Variants in CHN2 observed in about 807,000 individuals in gnomAD.
The protein encoded by CHN2 is beta-chimaerin.
A neutral mutation model predicts 56.3 loss-of-function variants in CHN2; 35 were observed. The observed-to-expected ratio is 0.62, with a 90% CI of 0.47 to 0.82. CHN2 has a LOEUF of 0.82. Ranked by LOEUF, CHN2 falls within the 40% of genes least tolerant of loss-of-function variation. The probability of loss-of-function intolerance (pLI) is 0.00; values close to 1 mark genes in which losing one functional copy is unlikely to be tolerated. For synonymous variants in CHN2, 210 were observed against 212.8 expected, an observed-to-expected ratio of 0.99 and a Z score of 0.12; for missense variants, 491 against 580.5, an observed-to-expected ratio of 0.85 and a Z score of 1.58.
chr7:29,401,016 G>T lies in CHN2; in HGVS notation c.576+188G>T, dbSNP rs559227720. 4 of 614,184 alleles carry T rather than the reference G, an allele frequency of 6.5e-6. No homozygotes were observed. The East Asian group carries it at 1.1e-4, about 17-fold the overall frequency. 38.0% of individuals were successfully genotyped at this position (614,184 alleles called of 1,614,324 possible). A position where few individuals can be genotyped will look rare whatever the true frequency, so the allele number is the denominator to read the frequency against. On this transcript the variant is annotated intron_variant, in intron 6 of 12. Coordinates refer to ENST00000222792, the MANE Select transcript of CHN2 (RefSeq NM_004067.4). ...AGGCCGGGCGTGGTGGCTCATGCCT[G>T]TAATCTCTTTGGGAGGCCGAGGCAG... is the stretch of plus-strand genomic sequence containing the variant.
intron 6 of CHN2, among the ~76,000 whole-genome samples, chr7:29,414,424 T>C (rs1018441148): frequency 6.6e-6 from 1 of 152,168 alleles, no homozygotes; most frequent in East Asian, 1.9e-4. Context: ...CCACGTGCTA[T>C]AGGGGTGGCT....
intron 1 of CHN2, among the ~76,000 whole-genome samples, chr7:29,285,511 A>G (rs145560162): frequency 1.2e-4 from 19 of 152,350 alleles, no homozygotes; most frequent in African/African-American, 4.6e-4. Flanking sequence ...CATAAGCCAC[A>G]GTCTAAATAT....
intron 2 of CHN2, among the ~76,000 whole-genome samples, chr7:29,159,562 T>C (rs1794896792): frequency 1.3e-5 from 2 of 152,246 alleles, no homozygotes; most frequent in Admixed American, 1.3e-4. Context: ...AGTGATGAAA[T>C]GGGGTGGCTA....
intron 1 of CHN2, among the ~76,000 whole-genome samples, chr7:29,305,328 G>A (rs1191906364): frequency 6.6e-6 from 1 of 152,058 alleles, no homozygotes; most frequent in African/African-American, 2.4e-5. Context: ...ACCCCATTAC[G>A]TATGAATAAA....
chr7:29,228,946 G>A (rs949079878), intron 1 of CHN2, among the ~76,000 whole-genome samples: 1 of 152,220 alleles, frequency 6.6e-6, no homozygotes, highest in African/African-American at 2.4e-5. Flanking sequence ...CTCTGCTCCA[G>A]TCGGGCCTGA....
chr7:29,283,095 C>T (rs1791851134), intron 1 of CHN2, among the ~76,000 whole-genome samples: 1 of 152,184 alleles, frequency 6.6e-6, no homozygotes, highest in South Asian at 2.1e-4. Flanking sequence ...CTGCTTCTGC[C>T]TGAGAGTGCG....
At chr7:29,309,655 C>T (rs1034901096) in intron 1 of CHN2, among the ~76,000 whole-genome samples, 1 of 152,222 alleles carries the variant, frequency 6.6e-6, no homozygotes, top group Non-Finnish European at 1.5e-5. Context: ...AATCCAGTTG[C>T]GTAACTTCGG....
chr7:29,398,291 C>G, intron 4 of CHN2, 82 bp from the exon 5 acceptor site: 1 of 1,072,798 alleles, frequency 9.3e-7, no homozygotes, highest in South Asian at 1.3e-5. Context: ...TGGGTGCCCC[C>G]ACCATCCTTT....
rs1453808426 is a variant in CHN2 at position 29,358,158 on chromosome 7, T to A, written c.88+3495T>A. On this transcript the variant is annotated intron_variant, in intron 2 of 12. Transcript: ENST00000222792. ...TATGTCCTTGTTTTCATTGACGTTTTTTTGGCCATAACTTTGACTTATTTA... is the reference window on the plus strand; with the variant it reads ...TATGTCCTTGTTTTCATTGACGTTTATTTGGCCATAACTTTGACTTATTTA... Among the ~76,000 whole-genome samples, 3 of 152,374 alleles carry A rather than the reference T, an allele frequency of 2.0e-5. No individual in the cohort carries two copies. The East Asian group carries it at 5.8e-4, about 29-fold the overall frequency.
At chr7:29,213,059 T>G in intron 1 of CHN2, 2 of 1,607,756 alleles carry the variant, frequency 1.2e-6, no homozygotes, top group Admixed American at 1.7e-5. Flanking sequence ...TGCATGCAGT[T>G]CCAGCCAAAT....
At chr7:29,502,351 C>T (rs1562667519) in intron 9 of CHN2, among the ~76,000 whole-genome samples, 1 of 152,150 alleles carries the variant, frequency 6.6e-6, no homozygotes, top group Non-Finnish European at 1.5e-5. Flanking sequence ...CAGTTGGCCA[C>T]CACCATCTCA....
intron 1 of CHN2, among the ~76,000 whole-genome samples, chr7:29,292,034 G>A (rs1448622501): frequency 2.0e-5 from 3 of 152,142 alleles, no homozygotes; most frequent in Admixed American, 6.5e-5. Flanking sequence ...TATGTTTAAA[G>A]TAGGCCTTAT....
At chr7:29,496,588 A>G (rs116945729) in intron 8 of CHN2, among the ~76,000 whole-genome samples, 6 of 152,260 alleles carry the variant, frequency 3.9e-5, no homozygotes, top group Non-Finnish European at 5.9e-5. Context: ...TATTGATTCA[A>G]TGGGAGCCAG....
intron 2 of CHN2, among the ~76,000 whole-genome samples, chr7:29,186,928 C>A (rs1228876070): frequency 6.6e-6 from 1 of 152,058 alleles, no homozygotes; most frequent in Admixed American, 6.6e-5. Flanking sequence ...AGTTGTTGAG[C>A]ATTTTAATTA....
chr7:29,481,518 G>A (rs1398698001), intron 7 of CHN2, among the ~76,000 whole-genome samples: 2 of 152,134 alleles, frequency 1.3e-5, no homozygotes, highest in Non-Finnish European at 1.5e-5. Flanking sequence ...TTGAACTGAG[G>A]AATGGAATTA....
At chr7:29,385,887 T>C (rs763144004) in intron 3 of CHN2, among the ~76,000 whole-genome samples, 3 of 152,218 alleles carry the variant, frequency 2.0e-5, no homozygotes, top group Non-Finnish European at 4.4e-5. Flanking sequence ...ATCTACTTGT[T>C]TGCATCTGTA....
intron 6 of CHN2, among the ~76,000 whole-genome samples, chr7:29,424,485 C>A (rs1225329596): frequency 1.3e-5 from 2 of 152,174 alleles, no homozygotes; most frequent in Non-Finnish European, 2.9e-5. Flanking sequence ...CGGTGGCCTC[C>A]CCCAAGGGAA....
chr7:29,310,018 A>G (rs138069428), intron 1 of CHN2, among the ~76,000 whole-genome samples: 9 of 152,352 alleles, frequency 5.9e-5, no homozygotes, highest in African/African-American at 2.2e-4. Flanking sequence ...GGGCAGGCAC[A>G]TGGCATTTCC....
chr7:29,431,301 C>T (rs574831335), intron 6 of CHN2, among the ~76,000 whole-genome samples: 25 of 152,298 alleles, frequency 1.6e-4, no homozygotes, highest in African/African-American at 5.8e-4. Context: ...ATTCCTAGTC[C>T]TGAATAATAC....
Sources: gnomAD v4.1 joint callset for allele counts (sites outside exome capture counted in the v4.1 genomes callset) on GRCh38, gnomAD v4.1.1 for gene constraint, MANE v1.5 for transcripts, NCBI Gene and HGNC (gene_info 2026-07-23, HGNC 2026-07-21) for gene names.